Variants in RANBP2 observed in about 807,000 individuals in gnomAD.
RANBP2 encodes the protein RAN binding protein 2, also known as E3 SUMO-protein ligase RanBP2.
A neutral mutation model predicts 303.6 loss-of-function variants in RANBP2; 57 were observed. The observed-to-expected ratio is 0.19, with a 90% CI of 0.15 to 0.23. The LOEUF (loss-of-function observed/expected upper bound fraction) is 0.23. RANBP2 is among the 10% of genes least tolerant of loss of function. RANBP2 has a pLI of 1.00. For missense variants in RANBP2, 3,138 were observed against 3,780.8 expected, an observed-to-expected ratio of 0.83 and a Z score of 4.46; for synonymous variants, 1,167 against 1,301.5, an observed-to-expected ratio of 0.90 and a Z score of 2.23.
At chr2:109,620,996 T>C in the RANBP2 span, among the ~76,000 whole-genome samples, 1 of 152,168 alleles carries the variant, frequency 6.6e-6, no homozygotes, top group African/African-American at 2.4e-5. Context: ...AATAGATCAT[T>C]TTAAAGCACA....
At chr2:109,554,719 A>C in the RANBP2 span, among the ~76,000 whole-genome samples, 2 of 152,224 alleles carry the variant, frequency 1.3e-5, no homozygotes, top group Non-Finnish European at 2.9e-5. Context: ...ATTGTTATTC[A>C]AGAACCTGCT....
chr2:109,450,467 A>G, the RANBP2 span, among the ~76,000 whole-genome samples: 1 of 152,276 alleles, frequency 6.6e-6, no homozygotes. Flanking sequence ...GCTGTCCAGC[A>G]GAAACATAAT....
chr2:109,765,806 C>T, the RANBP2 span, among the ~76,000 whole-genome samples: 1 of 150,976 alleles, frequency 6.6e-6, no homozygotes, highest in South Asian at 2.1e-4. Context: ...TTTTGCTTGT[C>T]TTCAAATCAA....
At chr2:108,741,622 C>T (rs1237550919) in intron 7 of RANBP2, among the ~76,000 whole-genome samples, 1 of 148,504 alleles carries the variant, frequency 6.7e-6, no homozygotes, top group African/African-American at 2.5e-5. Flanking sequence ...TTTCCTGCCT[C>T]AGCCTCCCGA....
At chr2:108,729,362 A>G (rs1331189952) in intron 2 of RANBP2, among the ~76,000 whole-genome samples, 163 bp downstream of exon 2, 4 of 152,190 alleles carry the variant, frequency 2.6e-5, no homozygotes, top group Non-Finnish European at 5.9e-5. Context: ...CCTAGATTCC[A>G]TTGAGATTGA....
chr2:109,498,020 G>A, the RANBP2 span, among the ~76,000 whole-genome samples: 1 of 152,172 alleles, frequency 6.6e-6, no homozygotes, highest in Non-Finnish European at 1.5e-5. Flanking sequence ...CTCAGTTTGT[G>A]TGTATGCTGT....
the RANBP2 span, among the ~76,000 whole-genome samples, chr2:109,078,102 A>ATATATATAGCGTG: frequency 1.1e-5 from 1 of 90,124 alleles, no homozygotes; most frequent in African/African-American, 3.8e-5. Flanking sequence ...ATATATATAT[A>ATATATATAGCGTG]TATATATATA....
downstream of RANBP2, chr2:108,788,929 C>T (rs1317850202): frequency 6.2e-7 from 1 of 1,613,984 alleles, no homozygotes; most frequent in African/African-American, 1.3e-5. Context: ...TTGTAGAACA[C>T]CATTGGGCAG....
the RANBP2 span, among the ~76,000 whole-genome samples, chr2:109,279,920 TGGG>T: frequency 6.7e-6 from 1 of 149,662 alleles, no homozygotes; most frequent in East Asian, 2.0e-4. Context: ...GGGAGGTAAT[TGGG>T]GGGCGGTAAG....
chr2:109,667,200 C>T, the RANBP2 span: 2 of 1,245,658 alleles, frequency 1.6e-6, no homozygotes, highest in South Asian at 1.2e-5. Context: ...GAAAGCCTTG[C>T]CATTTAAGAA....
At chr2:109,238,201 A>T in the RANBP2 span, among the ~76,000 whole-genome samples, 5 of 151,260 alleles carry the variant, frequency 3.3e-5, no homozygotes, top group Non-Finnish European at 5.9e-5. Context: ...CCTGTCTCTT[A>T]AAAAAAAATA....
chr2:109,722,690 T>G, the RANBP2 span, among the ~76,000 whole-genome samples: 1 of 152,210 alleles, frequency 6.6e-6, no homozygotes, highest in Non-Finnish European at 1.5e-5. Context: ...TGTGTCCTTC[T>G]GTTTTCATTG....
At chr2:109,301,909 G>C in the RANBP2 span, among the ~76,000 whole-genome samples, 2 of 152,152 alleles carry the variant, frequency 1.3e-5, no homozygotes, top group Non-Finnish European at 2.9e-5. Flanking sequence ...TAGCTTCCCC[G>C]GTGCGGGACC....
chr2:109,617,561 G>A, the RANBP2 span: 1 of 167,028 alleles, frequency 6.0e-6, no homozygotes, highest in African/African-American at 2.4e-5. Flanking sequence ...GGGTCGCGTA[G>A]TTGCTGAAAC....
the RANBP2 span, among the ~76,000 whole-genome samples, chr2:108,834,875 A>G: frequency 3.9e-5 from 6 of 152,242 alleles, no homozygotes; most frequent in Non-Finnish European, 7.3e-5. Context: ...TTGTCACTTG[A>G]AAAGCATTTA....
chr2:108,974,847 C>T, the RANBP2 span, among the ~76,000 whole-genome samples: 3 of 152,202 alleles, frequency 2.0e-5, no homozygotes, highest in Non-Finnish European at 4.4e-5. Flanking sequence ...GCTCTTCCCA[C>T]CACCCCGAGC....
the RANBP2 span, among the ~76,000 whole-genome samples, chr2:109,452,904 G>A: frequency 2.7e-5 from 4 of 147,022 alleles, no homozygotes; most frequent in Admixed American, 6.7e-5. Flanking sequence ...GGCTGGTCCC[G>A]GGAGGCTGGT....
chr2:109,008,112 G>C, the RANBP2 span, among the ~76,000 whole-genome samples: 1 of 152,142 alleles, frequency 6.6e-6, no homozygotes, highest in African/African-American at 2.4e-5. Flanking sequence ...ACGAAGAGTT[G>C]AGAGTTTGTA....
chr2:108,744,411 A>G (rs1696349552), intron 7 of RANBP2, among the ~76,000 whole-genome samples: 1 of 152,218 alleles, frequency 6.6e-6, no homozygotes, highest in African/African-American at 2.4e-5. Flanking sequence ...ATCTCAAAAA[A>G]AAAAAAAGGA....
Sources: gnomAD v4.1 joint callset for allele counts (sites outside exome capture counted in the v4.1 genomes callset) on GRCh38, gnomAD v4.1.1 for gene constraint, MANE v1.5 for transcripts, NCBI Gene and HGNC (gene_info 2026-07-23, HGNC 2026-07-21) for gene names.